The following MPPED2 variants were observed in gnomAD, a reference collection of about 807,000 sequenced individuals.
The protein encoded by MPPED2 is metallophosphoesterase domain containing 2.
MPPED2 carries 5 observed loss-of-function variants against 33.0 expected under a neutral mutation model. That is an observed-to-expected ratio of 0.15 (90% CI 0.08 to 0.32). The LOEUF is 0.32. MPPED2 is among the 10% of genes least tolerant of loss of function. The probability of loss-of-function intolerance (pLI) is 1.00; values close to 1 mark genes in which losing one functional copy is unlikely to be tolerated. For missense variants in MPPED2, 275 were observed against 372.1 expected (o/e 0.74, Z 2.15); for synonymous variants, 136 against 141.9 (o/e 0.96, Z 0.29).
intron 4 of MPPED2, among the ~76,000 whole-genome samples, chr11:30,432,199 C>T (rs1443484961): frequency 2.6e-5 from 4 of 151,660 alleles, no homozygotes; most frequent in African/African-American, 9.7e-5. Context: ...ATTTATCAAT[C>T]TCCAGGTAAC....
chr11:30,453,273 C>T (rs528054936), intron 4 of MPPED2, among the ~76,000 whole-genome samples: 5 of 152,252 alleles, frequency 3.3e-5, no homozygotes, highest in East Asian at 1.9e-4. Context: ...ACCTCTAAAG[C>T]GTTCCAGGTT....
At chr11:30,395,382 T>A (rs1467239296) in intron 6 of MPPED2, among the ~76,000 whole-genome samples, 2 of 152,186 alleles carry the variant, frequency 1.3e-5, no homozygotes, top group Non-Finnish European at 2.9e-5. Context: ...TTAGTTAATA[T>A]AAGCCAGAGT....
chr11:30,550,292 C>G (rs1022134831), intron 2 of MPPED2, among the ~76,000 whole-genome samples: 1 of 152,188 alleles, frequency 6.6e-6, no homozygotes, highest in Non-Finnish European at 1.5e-5. Flanking sequence ...TTTCCCACCC[C>G]TGCTGTAGCA....
At position 30,574,619 on chromosome 11, in the gene MPPED2, T is replaced by C. The variant is rs1436439520; in HGVS notation, c.128+5627A>G. Reference sequence around the variant, plus strand: ...TTATACTGAACCAATGAACAGCCTTTGGCCTATTCCTTGATTGCAATATAA... The same window carrying C: ...TTATACTGAACCAATGAACAGCCTTCGGCCTATTCCTTGATTGCAATATAA... On this transcript the variant is annotated intron_variant, in intron 2 of 6. Coordinates refer to ENST00000358117, the MANE Select transcript of MPPED2 (RefSeq NM_001584.3). Among the ~76,000 whole-genome samples, 4 of 152,178 alleles carry C rather than the reference T, an allele frequency of 2.6e-5. 1 individual carries two copies. In the East Asian group the frequency reaches 7.7e-4, roughly 29 times the overall value.
intron 4 of MPPED2, among the ~76,000 whole-genome samples, chr11:30,494,125 G>T (rs1952119005): frequency 6.6e-6 from 1 of 152,222 alleles, no homozygotes; most frequent in South Asian, 2.1e-4. Context: ...GACAATCAGA[G>T]TCTCTGGAGG....
chr11:30,391,445 T>C (rs1947774850), intron 6 of MPPED2, among the ~76,000 whole-genome samples: 1 of 152,218 alleles, frequency 6.6e-6, no homozygotes, highest in South Asian at 2.1e-4. Context: ...CCATGGTCTC[T>C]GAATGAAACA....
At chr11:30,527,091 A>G (rs1435318033) in intron 3 of MPPED2, among the ~76,000 whole-genome samples, 1 of 151,220 alleles carries the variant, frequency 6.6e-6, no homozygotes, top group East Asian at 2.0e-4. Flanking sequence ...ACGCCCAGCT[A>G]ATTTTTTTTT....
chr11:30,386,111 T>C (rs1005068472), exon 7 of MPPED2: 1 of 152,192 alleles, frequency 6.6e-6, no homozygotes, highest in Non-Finnish European at 1.5e-5. Flanking sequence ...AAGCAGAGCA[T>C]AAAAGTTTGG....
intron 2 of MPPED2, among the ~76,000 whole-genome samples, chr11:30,577,799 T>C (rs991103626): frequency 6.6e-6 from 1 of 152,134 alleles, no homozygotes; most frequent in Non-Finnish European, 1.5e-5. Context: ...ATGAAAACAT[T>C]CAAAATGTCA....
At chr11:30,432,875 G>C (rs1949144314) in intron 4 of MPPED2, among the ~76,000 whole-genome samples, 1 of 152,192 alleles carries the variant, frequency 6.6e-6, no homozygotes, top group African/African-American at 2.4e-5. Context: ...TGGAAACAAT[G>C]CTAGGTTCCC....
chr11:30,432,215 A>G (rs930893378), intron 4 of MPPED2, among the ~76,000 whole-genome samples: 2 of 151,968 alleles, frequency 1.3e-5, no homozygotes, highest in African/African-American at 4.8e-5. Flanking sequence ...GTAACCTCTC[A>G]TAGTCAAAAC....
rs146856772 is a variant in MPPED2, at chr11:30,503,130, G to T, written c.311-7609C>A. ...GAATCATGAGGGTGGTTATCCTCAT[G>T]CTGGTCTCATGATAGTAAGTTCTCA... On this transcript the variant is annotated intron_variant, in intron 3 of 6. Coordinates refer to ENST00000358117, the MANE Select transcript of MPPED2 (RefSeq NM_001584.3). Among the ~76,000 whole-genome samples the T allele has an allele frequency of 2.4e-3, 362 of 152,254 alleles. 3 individuals are homozygous for T. The highest frequency in any genetic ancestry group is 8.4e-3 in the African/African-American group (348 of 41,550).
chr11:30,521,504 G>C (rs530352854), intron 3 of MPPED2, among the ~76,000 whole-genome samples: 10 of 152,244 alleles, frequency 6.6e-5, no homozygotes, highest in African/African-American at 2.4e-4. Context: ...GGTTATCAAG[G>C]CTCTTTGGAT....
At chr11:30,501,122 G>A (rs1332678368) in intron 3 of MPPED2, among the ~76,000 whole-genome samples, 1 of 152,102 alleles carries the variant, frequency 6.6e-6, no homozygotes, top group Non-Finnish European at 1.5e-5. Context: ...TAAACAACCT[G>A]CACAGTTTCT....
intron 6 of MPPED2, among the ~76,000 whole-genome samples, chr11:30,398,215 G>C (rs1947862366): frequency 6.6e-6 from 1 of 152,078 alleles, no homozygotes. Flanking sequence ...TCATGCTAAT[G>C]AGTTACTAAG....
chr11:30,558,670 C>A (rs1034762785), intron 2 of MPPED2, among the ~76,000 whole-genome samples: 4 of 151,772 alleles, frequency 2.6e-5, no homozygotes, highest in African/African-American at 9.7e-5. Flanking sequence ...AATAACCCTG[C>A]GTTGGCCTCC....
exon 7 of MPPED2, chr11:30,386,537 C>G: frequency 2.6e-6 from 1 of 392,028 alleles, no homozygotes; most frequent in Non-Finnish European, 4.5e-6. Context: ...AACCTCTTTT[C>G]TTTATAAAAT....
chr11:30,448,332 G>A (rs2133935383), intron 4 of MPPED2, among the ~76,000 whole-genome samples: 1 of 152,292 alleles, frequency 6.6e-6, no homozygotes, highest in South Asian at 2.1e-4. Flanking sequence ...TCCCTGGATT[G>A]AACTGGGCGC....
At chr11:30,485,872 C>T (rs1468345676) in intron 4 of MPPED2, among the ~76,000 whole-genome samples, 1 of 152,152 alleles carries the variant, frequency 6.6e-6, no homozygotes, top group Non-Finnish European at 1.5e-5. Flanking sequence ...CACAAAACAG[C>T]CTAGAAGGCA....
Sources: allele counts gnomAD v4.1 joint callset (sites outside exome capture counted in the v4.1 genomes callset), GRCh38; gene constraint gnomAD v4.1.1; transcripts MANE v1.5; gene names NCBI Gene and HGNC (gene_info 2026-07-23, HGNC 2026-07-21).